The following NHLH1 variants were observed in gnomAD, a reference collection of about 807,000 sequenced individuals.
NHLH1 encodes helix-loop-helix protein 1.
Under a neutral mutation model 6.7 loss-of-function variants are expected in NHLH1, and 3 were observed. That is an observed-to-expected ratio of 0.44 (90% confidence interval 0.20 to 1.15). The LOEUF (loss-of-function observed/expected upper bound fraction) is 1.15, where lower values mean the gene tolerates loss of function less well. NHLH1 is among the 50% of genes most tolerant of loss of function. NHLH1 has a pLI of 0.26. For missense variants in NHLH1, 177 were observed against 189.5 expected, an observed-to-expected ratio of 0.93 and a Z score of 0.39; for synonymous variants, 92 against 84.2, an observed-to-expected ratio of 1.09 and a Z score of -0.51.
intron 1 of NHLH1, among the ~76,000 whole-genome samples, chr1:160,369,936 C>T (rs1649586454): frequency 6.6e-6 from 1 of 152,136 alleles, no homozygotes; most frequent in African/African-American, 2.4e-5. Flanking sequence ...CCCTCCCAAT[C>T]CCTCCTTTGC....
chr1:160,370,352 G>T (rs1034993599), intron 1 of NHLH1, among the ~76,000 whole-genome samples: 1 of 149,938 alleles, frequency 6.7e-6, no homozygotes, highest in Non-Finnish European at 1.5e-5. Context: ...ACTACCTTTC[G>T]TCCTCCTCTT....
intron 1 of NHLH1, 86 bp from the exon 2 acceptor site, chr1:160,370,471 A>C: frequency 4.1e-6 from 1 of 246,484 alleles, no homozygotes; most frequent in South Asian, 3.7e-5. Context: ...TACCCCTCCC[A>C]GCCCATCTCA....
chr1:160,370,921 G>A lies in NHLH1; in HGVS notation c.190G>A (p.Glu64Lys). The A allele has an allele frequency of 6.2e-7, 1 of 1,608,460 alleles. No homozygotes were observed. Among genetic ancestry groups the A allele is most frequent in the East Asian group, 2.2e-5 (1 of 44,666 alleles). The change falls in exon 2 of 2, where the codon GAG (glutamate) becomes AAG (lysine). Residue 64 changes from glutamate to lysine, a missense_variant. By Grantham distance (56) the Glu-to-Lys change is moderately conservative. Coordinates refer to ENST00000302101, the MANE Select transcript of NHLH1 (RefSeq NM_005598.4). ...GRKDLQHLSR[E>K]ERRRRRRATA... ...GAAAGACCTGCAGCATCTGAGCCGC[G>A]AGGAGCGCCGGCGCCGGCGCCGCGC...
chr1:160,370,412 C>G (rs1453741412), intron 1 of NHLH1, 145 bp from the exon 2 acceptor site: 1 of 198,770 alleles, frequency 5.0e-6, no homozygotes, highest in East Asian at 1.4e-4. Context: ...CTCCCCACCC[C>G]CCGACCCCCA....
intron 1 of NHLH1, among the ~76,000 whole-genome samples, 172 bp from the exon 2 acceptor site, chr1:160,370,385 T>C (rs1649594466): frequency 6.6e-6 from 1 of 151,656 alleles, no homozygotes; most frequent in Non-Finnish European, 1.5e-5. Context: ...TCCACCTGCC[T>C]CTCTGTCTCT....
In NHLH1 at chr1:160,370,749, C is replaced by A. The variant is rs1649603915; in HGVS notation, c.18C>A (p.Asp6Glu). MMLNS[D>E]TMELDLPPTH... ...CTTCCATCATGATGCTCAACTCAGACACCATGGAGCTGGACCTGCCGCCCA... is the reference window on the plus strand; with the variant it reads ...CTTCCATCATGATGCTCAACTCAGAAACCATGGAGCTGGACCTGCCGCCCA... The change falls in exon 2 of 2, where the codon GAC (aspartate) becomes GAA (glutamate). Residue 6 changes from aspartate to glutamate, a missense_variant. By Grantham distance (45) the Asp-to-Glu change is conservative. Transcript: ENST00000302101. 6.2e-7 allele frequency: 1 copy of A among 1,612,886 alleles called. No homozygotes were observed. The highest frequency in any genetic ancestry group is 1.3e-5 in the African/African-American group (1 of 74,854).
At chr1:160,368,728 T>C (rs1649554385) in intron 1 of NHLH1, among the ~76,000 whole-genome samples, 1 of 152,196 alleles carries the variant, frequency 6.6e-6, no homozygotes, top group Non-Finnish European at 1.5e-5. Flanking sequence ...CAGAGCTCCA[T>C]ATGTCCTAGT....
intron 1 of NHLH1, among the ~76,000 whole-genome samples, chr1:160,368,648 A>C (rs116494565): frequency 0.036 from 5,522 of 152,248 alleles, 116 homozygotes; most frequent in Middle Eastern, 0.054. Flanking sequence ...AGGATCTCAT[A>C]TCTACAATGG....
chr1:160,371,305 C>G lies in NHLH1; in HGVS notation c.*172C>G. ...CATGAGGGCCTCTTCCTTTCTCTGA[C>G]CCAGGCACCTCGAGGGCTATTCTCC... On this transcript the variant is annotated 3_prime_UTR_variant, in exon 2 of 2. Transcript: ENST00000302101. 1 of 1,054,924 alleles carries G rather than the reference C, an allele frequency of 9.5e-7. No individual in the cohort carries two copies. Among genetic ancestry groups the G allele is most frequent in the Non-Finnish European group, 1.3e-6 (1 of 756,636 alleles). The allele number at this position is 1,054,924 out of a possible 1,614,324, so 65.3% of individuals were successfully genotyped here.
chr1:160,370,925 A>AGCGCCG lies in NHLH1; in HGVS notation c.207_212dup (p.Arg70_Arg71dup), dbSNP rs772410196. ...GACCTGCAGCATCTGAGCCGCGAGGAGCGCCGGCGCCGGCGCCGCGCCACA... is the reference window on the plus strand; with the variant it reads ...GACCTGCAGCATCTGAGCCGCGAGGAGCGCCGGCGCCGGCGCCGGCGCCGCGCCACA... On this transcript the variant is annotated inframe_insertion, in exon 2 of 2. Coordinates refer to ENST00000302101, the MANE Select transcript of NHLH1 (RefSeq NM_005598.4). 2.5e-6 allele frequency: 4 copies of AGCGCCG among 1,608,004 alleles called. No individual in the cohort carries two copies. The highest frequency in any genetic ancestry group is 1.3e-5 in the African/African-American group (1 of 74,648).
Position 160,370,880 on chromosome 1 carries a change from C to G in NHLH1, c.149C>G (p.Pro50Arg). Residue 50 changes from proline to arginine, a missense_variant, in exon 2 of 2, where the codon CCG becomes CGG. Transcript: ENST00000302101. The stretch of plus-strand genomic sequence containing the variant: ...GGGGGCCAGGCCCGAGGCCCAGAGC[C>G]GGGAGAGCCTGGCCGGAAAGACCTG... ...PGGGQARGPE[P>R]GEPGRKDLQH... 6.2e-7 allele frequency: 1 copy of G among 1,604,910 alleles called. No individual in the cohort carries two copies. Among genetic ancestry groups the G allele is most frequent in the Non-Finnish European group, 8.5e-7 (1 of 1,176,008 alleles).
At position 160,371,372 on chromosome 1, in the gene NHLH1, G is replaced by C; in HGVS notation, c.*239G>C. On this transcript the variant is annotated 3_prime_UTR_variant, in exon 2 of 2. Coordinates refer to ENST00000302101, the MANE Select transcript of NHLH1 (RefSeq NM_005598.4). ...TTTATTGCTGAGGCCCAGCTGTGCA[G>C]AATTGTTTGCTAGTGTGGTTGGTAT... 1 of 547,784 alleles carries C rather than the reference G, an allele frequency of 1.8e-6. No individual in the cohort carries two copies. The highest frequency in any genetic ancestry group is 3.1e-6 in the Non-Finnish European group (1 of 323,220). 33.9% of individuals were successfully genotyped at this position (547,784 alleles called of 1,614,324 possible).
At position 160,370,790 on chromosome 1, in the gene NHLH1, A is replaced by G; in HGVS notation, c.59A>G (p.Glu20Gly). Residue 20 changes from glutamate (E) to glycine (G), a missense_variant, in exon 2 of 2, where the codon GAG (glutamate) becomes GGG (glycine). Physicochemically the swap from Glu to Gly is moderately conservative, Grantham distance 98 (BLOSUM62 -2). Coordinates refer to ENST00000302101, the MANE Select transcript of NHLH1 (RefSeq NM_005598.4). ...LDLPPTHSETESGFSDCGGGA... is the reference protein window; with the variant it reads ...LDLPPTHSETGSGFSDCGGGA... ...CTGCCGCCCACCCACTCAGAGACTGAGTCGGGCTTCAGTGACTGTGGGGGC... is the reference window on the plus strand; with the variant it reads ...CTGCCGCCCACCCACTCAGAGACTGGGTCGGGCTTCAGTGACTGTGGGGGC... 6.2e-7 allele frequency: 1 copy of G among 1,612,454 alleles called. No homozygotes were observed. Among genetic ancestry groups the G allele is most frequent in the Non-Finnish European group, 8.5e-7 (1 of 1,179,632 alleles).
In NHLH1 at chr1:160,372,212, T is replaced by C; in HGVS notation, c.*1079T>C. On this transcript the variant is annotated 3_prime_UTR_variant, in exon 2 of 2. Coordinates refer to ENST00000302101, the MANE Select transcript of NHLH1 (RefSeq NM_005598.4). ...CTACTCCATGCTGCTGATCCCCACC[T>C]GCGCACTATAGCTCAGGGTCAGCAG... 6.0e-6 allele frequency: 1 copy of C among 167,208 alleles called. No individual in the cohort carries two copies. 10.4% of individuals were successfully genotyped at this position (167,208 alleles called of 1,614,324 possible).
In NHLH1 at chr1:160,370,895, G is replaced by T; in HGVS notation, c.164G>T (p.Arg55Leu). The change falls in exon 2 of 2, where the codon CGG (arginine) becomes CTG (leucine). Residue 55 changes from arginine to leucine, a missense_variant. Coordinates refer to ENST00000302101, the MANE Select transcript of NHLH1 (RefSeq NM_005598.4). ...ARGPEPGEPG[R>L]KDLQHLSREE... ...GGCCCAGAGCCGGGAGAGCCTGGCC[G>T]GAAAGACCTGCAGCATCTGAGCCGC... The T allele has an allele frequency of 5.6e-6, 9 of 1,606,796 alleles. No homozygotes were observed. The highest frequency in any genetic ancestry group is 7.6e-6 in the Non-Finnish European group (9 of 1,176,664).
chr1:160,370,910 A>G lies in NHLH1; in HGVS notation c.179A>G (p.His60Arg). ...PGEPGRKDLQ[H>R]LSREERRRRR... Reference sequence around the variant, plus strand: ...GAGCCTGGCCGGAAAGACCTGCAGCATCTGAGCCGCGAGGAGCGCCGGCGC... The same window carrying G: ...GAGCCTGGCCGGAAAGACCTGCAGCGTCTGAGCCGCGAGGAGCGCCGGCGC... Residue 60 changes from histidine to arginine, a missense_variant, in exon 2 of 2, where the codon CAT (histidine) becomes CGT (arginine). By Grantham distance (29) the His-to-Arg change is conservative. Coordinates refer to ENST00000302101, the MANE Select transcript of NHLH1 (RefSeq NM_005598.4). 1 of 1,607,834 alleles carries G rather than the reference A, an allele frequency of 6.2e-7. No individual in the cohort carries two copies. Among genetic ancestry groups the G allele is most frequent in the Non-Finnish European group, 8.5e-7 (1 of 1,176,934 alleles).
At position 160,370,963 on chromosome 1, in the gene NHLH1, A is replaced by G; in HGVS notation, c.232A>G (p.Thr78Ala). 6.2e-7 allele frequency: 1 copy of G among 1,612,504 alleles called. No individual in the cohort carries two copies. Among genetic ancestry groups the G allele is most frequent in the Non-Finnish European group, 8.5e-7 (1 of 1,179,170 alleles). ...GCGCCGCGCCACAGCCAAGTACCGC[A>G]CGGCCCACGCCACGCGAGAACGCAT... The part of the protein sequence containing the change: ...RRRRATAKYR[T>A]AHATRERIRV... Residue 78 changes from threonine (T) to alanine (A), a missense_variant, in exon 2 of 2, where the codon ACG (threonine) becomes GCG (alanine). Coordinates refer to ENST00000302101, the MANE Select transcript of NHLH1 (RefSeq NM_005598.4).
Position 160,371,234 on chromosome 1 carries a change from G to A in NHLH1, c.*101G>A, listed in dbSNP as rs1415295631. The A allele has an allele frequency of 1.3e-6, 2 of 1,492,998 alleles. No homozygotes were observed. Among genetic ancestry groups the A allele is most frequent in the African/African-American group, 1.4e-5 (1 of 69,948 alleles). 92.5% of individuals were successfully genotyped at this position (1,492,998 alleles called of 1,614,324 possible). ...TCCCCGAGCCCTTATACCTTGGCAT[G>A]GAGTCCCAAAGGCCCTGGGCACAGG... is the stretch of plus-strand genomic sequence containing the variant. On this transcript the variant is annotated 3_prime_UTR_variant, in exon 2 of 2. Transcript: ENST00000302101.
chr1:160,367,994 C>T (rs545977581), intron 1 of NHLH1, among the ~76,000 whole-genome samples: 29 of 152,286 alleles, frequency 1.9e-4, no homozygotes, highest in Admixed American at 1.7e-3. Flanking sequence ...TCAGCACTAA[C>T]CACCTTCTGT....
Sources: gnomAD v4.1 joint callset for allele counts (sites outside exome capture counted in the v4.1 genomes callset) on GRCh38, gnomAD v4.1.1 for gene constraint, MANE v1.5 for transcripts, NCBI Gene and HGNC (gene_info 2026-07-23, HGNC 2026-07-21) for gene names.